Variants in SHISA9 observed in about 807,000 individuals in gnomAD.
The protein encoded by SHISA9 is protein shisa-9.
In SHISA9, 13 loss-of-function variants were observed where a neutral mutation model predicts 38.0. The observed-to-expected ratio is 0.34, with a 90% CI of 0.22 to 0.54. The LOEUF (loss-of-function observed/expected upper bound fraction) is 0.54. Among genes scored for constraint, SHISA9 ranks in the 20% least tolerant of loss-of-function variants. The pLI is 0.91. For missense variants in SHISA9, 538 were observed against 575.8 expected, an observed-to-expected ratio of 0.93 and a Z score of 0.67; for synonymous variants, 275 against 242.0, an observed-to-expected ratio of 1.14 and a Z score of -1.27.
At chr16:13,360,357 T>C in the SHISA9 span, among the ~76,000 whole-genome samples, 1 of 152,240 alleles carries the variant, frequency 6.6e-6, no homozygotes, top group African/African-American at 2.4e-5. Flanking sequence ...ACCACCCAAA[T>C]CTCATCTTGA....
chr16:13,206,070 G>C (rs971983828), intron 3 of SHISA9, among the ~76,000 whole-genome samples: 3 of 152,048 alleles, frequency 2.0e-5, no homozygotes, highest in African/African-American at 7.2e-5. Context: ...TGGCCAGGAA[G>C]GACTTCTTTA....
chr16:13,412,570 AAGG>A, the SHISA9 span, among the ~76,000 whole-genome samples: 1 of 152,062 alleles, frequency 6.6e-6, no homozygotes, highest in Non-Finnish European at 1.5e-5. Flanking sequence ...CAGATTCAAA[AAGG>A]AGGCCGGGCA....
chr16:12,997,511 A>T (rs151102101), intron 2 of SHISA9, among the ~76,000 whole-genome samples: 1 of 151,554 alleles, frequency 6.6e-6, no homozygotes. Flanking sequence ...GGTTCAAGCA[A>T]TTCTCCCACC....
intron 2 of SHISA9, among the ~76,000 whole-genome samples, chr16:13,041,334 A>T (rs1220906063): frequency 6.6e-6 from 1 of 152,172 alleles, no homozygotes; most frequent in African/African-American, 2.4e-5. Flanking sequence ...ACCCAGGCTT[A>T]GGACTCCTGC....
chr16:13,137,998 A>C (rs1259561063), intron 2 of SHISA9, among the ~76,000 whole-genome samples: 3 of 152,152 alleles, frequency 2.0e-5, no homozygotes, highest in African/African-American at 7.2e-5. Flanking sequence ...TCACACAGAT[A>C]ATTTGGTAAA....
chr16:13,540,435 T>C, the SHISA9 span, among the ~76,000 whole-genome samples: 1 of 152,234 alleles, frequency 6.6e-6, no homozygotes, highest in Non-Finnish European at 1.5e-5. Context: ...CCAGCTCCCT[T>C]TCCCATCACA....
At chr16:13,249,892 C>T in the SHISA9 span, among the ~76,000 whole-genome samples, 2 of 152,114 alleles carry the variant, frequency 1.3e-5, no homozygotes, top group African/African-American at 4.8e-5. Flanking sequence ...CCACCCTGCC[C>T]AGCTAAATTT....
intron 2 of SHISA9, among the ~76,000 whole-genome samples, chr16:13,166,569 C>T (rs895391653): frequency 2.6e-5 from 4 of 152,300 alleles, no homozygotes; most frequent in African/African-American, 9.6e-5. Context: ...TCTTACCTGA[C>T]ACTATACATT....
the SHISA9 span, among the ~76,000 whole-genome samples, chr16:13,547,550 A>T: frequency 6.6e-6 from 1 of 151,970 alleles, no homozygotes; most frequent in African/African-American, 2.4e-5. Flanking sequence ...CTAGCTCAAG[A>T]AGAGAGAGAG....
At chr16:13,114,292 C>G (rs1274096921) in intron 2 of SHISA9, among the ~76,000 whole-genome samples, 1 of 151,528 alleles carries the variant, frequency 6.6e-6, no homozygotes, top group Non-Finnish European at 1.5e-5. Context: ...TGGTGAAACC[C>G]CATCTCCACT....
At chr16:13,293,018 A>G in the SHISA9 span, among the ~76,000 whole-genome samples, 1 of 152,174 alleles carries the variant, frequency 6.6e-6, no homozygotes, top group Non-Finnish European at 1.5e-5. Flanking sequence ...GATGAAGCAA[A>G]CAAAACCCAG....
At chr16:13,533,853 G>A in the SHISA9 span, among the ~76,000 whole-genome samples, 1,607 of 145,390 alleles carry the variant, frequency 0.011, 26 homozygotes, top group African/African-American at 0.034. Flanking sequence ...GCGCGATCTC[G>A]GCTCACTGCA....
intron 2 of SHISA9, among the ~76,000 whole-genome samples, chr16:13,143,527 T>C (rs2050421105): frequency 6.6e-6 from 1 of 152,190 alleles, no homozygotes; most frequent in African/African-American, 2.4e-5. Flanking sequence ...TGTACTGTGA[T>C]CTGGTCACCA....
At chr16:13,173,646 G>A (rs969324772) in intron 2 of SHISA9, among the ~76,000 whole-genome samples, 3 of 152,112 alleles carry the variant, frequency 2.0e-5, no homozygotes, top group Admixed American at 2.0e-4. Flanking sequence ...GCAGGGATGT[G>A]CTAAGCTCCT....
chr16:13,130,862 C>A (rs1390878609), intron 2 of SHISA9, among the ~76,000 whole-genome samples: 1 of 152,132 alleles, frequency 6.6e-6, no homozygotes, highest in African/African-American at 2.4e-5. Flanking sequence ...TGAATGTCTT[C>A]TTTTGAACAT....
chr16:13,278,834 C>G, the SHISA9 span, among the ~76,000 whole-genome samples: 1 of 151,862 alleles, frequency 6.6e-6, no homozygotes, highest in Admixed American at 6.6e-5. Context: ...TGCTAATGGT[C>G]TATCAATTTT....
chr16:13,434,707 C>T, the SHISA9 span, among the ~76,000 whole-genome samples: 10 of 152,188 alleles, frequency 6.6e-5, no homozygotes, highest in South Asian at 2.1e-4. Flanking sequence ...CATGAGCCAC[C>T]GTGCCAGGCC....
At chr16:13,193,647 A>G (rs181154735) in intron 2 of SHISA9, among the ~76,000 whole-genome samples, 38 of 152,300 alleles carry the variant, frequency 2.5e-4, no homozygotes, top group African/African-American at 7.7e-4. Context: ...CGCCTGGCCA[A>G]TTTGGCCTTT....
intron 2 of SHISA9, among the ~76,000 whole-genome samples, chr16:12,979,597 G>A (rs934330093): frequency 2.0e-5 from 3 of 151,988 alleles, no homozygotes; most frequent in East Asian, 1.9e-4. Context: ...AGTCTTGAAC[G>A]TGTATATTTT....
Sources: allele counts gnomAD v4.1 joint callset (sites outside exome capture counted in the v4.1 genomes callset), GRCh38; gene constraint gnomAD v4.1.1; transcripts MANE v1.5; gene names NCBI Gene and HGNC (gene_info 2026-07-23, HGNC 2026-07-21).